MAPKAP1: variants seen among roughly 807,000 people sequenced by gnomAD.
MAPKAP1 encodes the protein target of rapamycin complex 2 subunit MAPKAP1.
A neutral mutation model predicts 65.7 loss-of-function variants in MAPKAP1; 20 were observed. That is an observed-to-expected ratio of 0.30 (90% CI 0.21 to 0.44). The LOEUF (loss-of-function observed/expected upper bound fraction) is 0.44. Ranked by LOEUF, MAPKAP1 falls within the 20% of genes least tolerant of loss-of-function variation. The probability of loss-of-function intolerance (pLI) is 1.00; values close to 1 mark genes in which losing one functional copy is unlikely to be tolerated. For missense variants in MAPKAP1, 423 were observed against 648.0 expected, an observed-to-expected ratio of 0.65 and a Z score of 3.77; for synonymous variants, 222 against 244.3, an observed-to-expected ratio of 0.91 and a Z score of 0.85.
At position 125,595,211 on chromosome 9, in the gene MAPKAP1, T is replaced by C. The variant is rs1298213222; in HGVS notation, c.499-9484A>G. Among the ~76,000 whole-genome samples the C allele has an allele frequency of 6.6e-6, 1 of 152,228 alleles. No individual in the cohort carries two copies. Among genetic ancestry groups the C allele is most frequent in the African/African-American group, 2.4e-5 (1 of 41,456 alleles). ...TCAAAGACTATGAATGTTTTGTAACTTGTGATATATACTGGAAAAGCTCAG... is the reference window on the plus strand; with the variant it reads ...TCAAAGACTATGAATGTTTTGTAACCTGTGATATATACTGGAAAAGCTCAG... On this transcript the variant is annotated intron_variant, in intron 4 of 11. Transcript: ENST00000265960. The surrounding 1 kb of genome is among the most constrained non-coding windows in gnomAD (Gnocchi z 4.0).
chr9:125,580,409 C>T (rs1196741072), intron 5 of MAPKAP1, among the ~76,000 whole-genome samples: 1 of 151,868 alleles, frequency 6.6e-6, no homozygotes, highest in Non-Finnish European at 1.5e-5. Context: ...AGCTGGAAAC[C>T]ATCATTCTGA....
chr9:125,561,272 T>C (rs1252271818), intron 5 of MAPKAP1, among the ~76,000 whole-genome samples: 1 of 152,220 alleles, frequency 6.6e-6, no homozygotes, highest in African/African-American at 2.4e-5. Context: ...CACAAATCTT[T>C]AGCTGCAACT....
intron 4 of MAPKAP1, among the ~76,000 whole-genome samples, chr9:125,639,065 C>T (rs1343644034): frequency 1.3e-5 from 2 of 152,122 alleles, no homozygotes; most frequent in African/African-American, 2.4e-5. Context: ...ATGGTGAAAC[C>T]TCGTCTCTAC....
chr9:125,525,711 A>C (rs996864117), intron 7 of MAPKAP1, among the ~76,000 whole-genome samples: 8 of 151,940 alleles, frequency 5.3e-5, no homozygotes, highest in African/African-American at 1.9e-4. Flanking sequence ...ACAAACAAAA[A>C]AAAAAAAAGG....
intron 7 of MAPKAP1, among the ~76,000 whole-genome samples, chr9:125,532,390 A>C (rs1829958565): frequency 6.6e-6 from 1 of 152,208 alleles, no homozygotes; most frequent in Non-Finnish European, 1.5e-5. Context: ...CCTCTCTCCA[A>C]TCTGAGGATA....
At chr9:125,604,326 C>T (rs990494600) in intron 4 of MAPKAP1, among the ~76,000 whole-genome samples, 3 of 152,244 alleles carry the variant, frequency 2.0e-5, no homozygotes, top group African/African-American at 4.8e-5. Context: ...CACAGCACCA[C>T]ACTATTTTTC....
intron 9 of MAPKAP1, among the ~76,000 whole-genome samples, chr9:125,469,105 T>G (rs773050062): frequency 6.6e-6 from 1 of 152,122 alleles, no homozygotes; most frequent in Non-Finnish European, 1.5e-5. Flanking sequence ...CCTTCTATAG[T>G]GGGCCCCATA....
intron 4 of MAPKAP1, among the ~76,000 whole-genome samples, chr9:125,620,728 T>C (rs937171341): frequency 2.0e-5 from 3 of 152,182 alleles, no homozygotes; most frequent in African/African-American, 4.8e-5. Flanking sequence ...TCCAATCACA[T>C]TGTTACATGA....
intron 4 of MAPKAP1, among the ~76,000 whole-genome samples, chr9:125,607,692 T>G (rs193253507): frequency 2.5e-4 from 38 of 152,304 alleles, no homozygotes; most frequent in Non-Finnish European, 4.4e-4. Flanking sequence ...TGTCTTGCTC[T>G]GTCACCAGGC....
At chr9:125,681,767 C>A (rs557424050) in intron 1 of MAPKAP1, among the ~76,000 whole-genome samples, 2 of 152,258 alleles carry the variant, frequency 1.3e-5, no homozygotes, top group East Asian at 1.9e-4. Context: ...TACTACACTG[C>A]ACCTATGTAT....
chr9:125,442,644 G>C (rs754275549), intron 11 of MAPKAP1, among the ~76,000 whole-genome samples: 3 of 152,038 alleles, frequency 2.0e-5, no homozygotes, highest in African/African-American at 4.8e-5. Flanking sequence ...ATGCTCCAGT[G>C]GGTAACTCGA....
chr9:125,698,285 ATAAATATATATATATATAT>A (rs1835457706), intron 1 of MAPKAP1, among the ~76,000 whole-genome samples: 1 of 25,808 alleles, frequency 3.9e-5, no homozygotes, highest in Non-Finnish European at 5.8e-5. Context: ...CATAATATAT[ATAAATATATATATATATAT>A]ATATATATAT....
intron 1 of MAPKAP1, 139 bp from the exon 2 acceptor site, chr9:125,672,782 T>C: frequency 9.6e-6 from 6 of 623,188 alleles, no homozygotes; most frequent in Non-Finnish European, 1.4e-5. Flanking sequence ...TAAAAGGATT[T>C]AGTCTAAGCT....
intron 1 of MAPKAP1, among the ~76,000 whole-genome samples, chr9:125,680,048 T>C (rs181220195): frequency 6.6e-6 from 1 of 152,212 alleles, no homozygotes; most frequent in Admixed American, 6.5e-5. Context: ...ATTTAATGTC[T>C]GCTGAGGGAG....
intron 9 of MAPKAP1, among the ~76,000 whole-genome samples, chr9:125,473,285 G>A (rs1853992629): frequency 6.6e-6 from 1 of 151,922 alleles, no homozygotes; most frequent in Non-Finnish European, 1.5e-5. Flanking sequence ...GAGCAGCCAG[G>A]GTCAGCCCCT....
rs1220315326 is a variant in MAPKAP1 at position 125,688,678 on chromosome 9, T to C, written c.-69-16035A>G. 2.6e-5 allele frequency among the ~76,000 whole-genome samples: 4 copies of C among 151,984 alleles called. No individual in the cohort carries two copies. The East Asian group carries it at 7.8e-4, about 30-fold the overall frequency. Reference sequence around the variant, plus strand: ...GAGTTCAAGACTAGCCTAGGCAACATGGCAAAACCCCATCTCTACAAAAAA... The same window carrying C: ...GAGTTCAAGACTAGCCTAGGCAACACGGCAAAACCCCATCTCTACAAAAAA... On this transcript the variant is annotated intron_variant, in intron 1 of 11. Transcript: ENST00000265960.
chr9:125,698,696 G>A (rs1049067178), intron 1 of MAPKAP1, among the ~76,000 whole-genome samples: 2 of 151,818 alleles, frequency 1.3e-5, no homozygotes, highest in Non-Finnish European at 2.9e-5. Context: ...CTTCAGTTTC[G>A]GCATTTGTAA....
intron 5 of MAPKAP1, among the ~76,000 whole-genome samples, chr9:125,569,614 T>A (rs1428167925): frequency 6.6e-6 from 1 of 152,174 alleles, no homozygotes; most frequent in Non-Finnish European, 1.5e-5. Context: ...ATCAGTTTAA[T>A]TAAAAGTGGA....
intron 6 of MAPKAP1, among the ~76,000 whole-genome samples, chr9:125,556,951 T>C (rs188363520): frequency 6.6e-6 from 1 of 152,344 alleles, no homozygotes; most frequent in East Asian, 1.9e-4. Context: ...TGCTCACATA[T>C]AAAGATTTCA....
Sources: gnomAD v4.1 joint callset for allele counts (sites outside exome capture counted in the v4.1 genomes callset) on GRCh38, gnomAD v4.1.1 for gene constraint, Gnocchi (gnomAD v3.1) non-coding constraint, MANE v1.5 for transcripts, NCBI Gene and HGNC (gene_info 2026-07-23, HGNC 2026-07-21) for gene names.